Variants in ADAM12 observed in about 807,000 individuals in gnomAD.
ADAM12 encodes the protein ADAM metallopeptidase domain 12, also known as disintegrin and metalloproteinase domain-containing protein 12.
In ADAM12, 70 loss-of-function variants were observed where a neutral mutation model predicts 106.4. That is an observed-to-expected ratio of 0.66 (90% CI 0.54 to 0.80). ADAM12 has a LOEUF of 0.80. Among genes scored for constraint, ADAM12 ranks in the 30% least tolerant of loss-of-function variants. The pLI, the probability that ADAM12 is intolerant of heterozygous loss-of-function variation, is 0.00. For missense variants in ADAM12, 1,010 were observed against 1,171.9 expected, an observed-to-expected ratio of 0.86 and a Z score of 2.02; for synonymous variants, 420 against 433.5, an observed-to-expected ratio of 0.97 and a Z score of 0.39.
intron 3 of ADAM12, among the ~76,000 whole-genome samples, chr10:126,213,421 A>G (rs1957935757): frequency 6.6e-6 from 1 of 152,212 alleles, no homozygotes; most frequent in African/African-American, 2.4e-5. Flanking sequence ...CTGTTGAACA[A>G]TTTTTAATTG....
intron 2 of ADAM12, among the ~76,000 whole-genome samples, chr10:126,321,197 C>A (rs192457753): frequency 6.6e-6 from 1 of 152,266 alleles, no homozygotes; most frequent in Non-Finnish European, 1.5e-5. Context: ...ACATAAAAAG[C>A]ATTACTCAGG....
At chr10:126,164,572 A>G (rs990006090) in intron 3 of ADAM12, among the ~76,000 whole-genome samples, 2 of 152,218 alleles carry the variant, frequency 1.3e-5, no homozygotes, top group African/African-American at 2.4e-5. Context: ...AAAACATAGC[A>G]CCGAATAAAG....
In ADAM12 at chr10:126,174,008, ATTTTTT is replaced by A. The variant is rs200354475; in HGVS notation, c.261-18709_261-18704del. 1.3e-4 allele frequency among the ~76,000 whole-genome samples: 12 copies of A among 90,470 alleles called. No homozygotes were observed. In the South Asian group the frequency reaches 2.3e-3, roughly 17 times the overall value. The allele number at this position is 90,470 out of a possible 152,430, so 59.4% of individuals were successfully genotyped here. ...TTTTATCCAGATTCATCTGTTGTTG[ATTTTTT>A]TTTTTTTTTTTTTTTTTTTTTTGAG... is the stretch of plus-strand genomic sequence containing the variant. On this transcript the variant is annotated intron_variant, in intron 3 of 22. Transcript: ENST00000448723.
At chr10:126,135,782 G>T in intron 4 of ADAM12, 122 bp from the exon 5 acceptor site, 2 of 857,678 alleles carry the variant, frequency 2.3e-6, no homozygotes, top group Non-Finnish European at 3.7e-6. Context: ...TTGTTCTACA[G>T]TCTTAATATT....
chr10:126,070,711 C>T (rs984234765), intron 12 of ADAM12: 1 of 152,192 alleles, frequency 6.6e-6, no homozygotes, highest in African/African-American at 2.4e-5. Context: ...AGGCTGCCTG[C>T]TGTACAACTG....
chr10:126,332,607 C>A (rs148023952), intron 1 of ADAM12, among the ~76,000 whole-genome samples: 357 of 152,276 alleles, frequency 2.3e-3, no homozygotes, highest in African/African-American at 8.0e-3. Flanking sequence ...AGGAAAGCCC[C>A]CCTTTTTTGT....
chr10:126,073,480 TA>T (rs138925859), intron 11 of ADAM12, among the ~76,000 whole-genome samples: 1 of 152,240 alleles, frequency 6.6e-6, no homozygotes, highest in East Asian at 1.9e-4. Context: ...AGGTTTGGTG[TA>T]CAGATTATTT....
chr10:126,261,207 T>G (rs1447314363), intron 3 of ADAM12, among the ~76,000 whole-genome samples: 1 of 152,104 alleles, frequency 6.6e-6, no homozygotes, highest in Admixed American at 6.5e-5. Context: ...CTCCTTCAGA[T>G]ACCAAGGCAC....
At position 126,360,887 on chromosome 10, in the gene ADAM12, G is replaced by A. The variant is rs116882939; in HGVS notation, c.88+27171C>T. ...GACTAGACAATTTACAAAAGAAAGA[G>A]GTTTAATTTGGACTTACAGTTCCAC... is the stretch of plus-strand genomic sequence containing the variant. On this transcript the variant is annotated intron_variant, in intron 1 of 22. Transcript: ENST00000448723. Among the ~76,000 whole-genome samples, 67 of 152,340 alleles carry A rather than the reference G, an allele frequency of 4.4e-4. 1 individual carries two copies. In the East Asian group the frequency reaches 0.012, roughly 28 times the overall value.
chr10:126,237,973 A>G (rs769764222), intron 3 of ADAM12, among the ~76,000 whole-genome samples: 1 of 152,228 alleles, frequency 6.6e-6, no homozygotes, highest in Non-Finnish European at 1.5e-5. Context: ...GATGAATGAT[A>G]AAAGAATGGG....
At position 126,108,624 on chromosome 10, in the gene ADAM12, C is replaced by A; in HGVS notation, c.710G>T (p.Arg237Leu). ...QGKDLEKVKQ[R>L]LIEIANHVDK... The stretch of plus-strand genomic sequence containing the variant: ...AACGTGATTAGCAATCTCTATTAAT[C>A]GCTGCTTAACTTTTTCCAGATCTTT... The change falls in exon 8 of 23, where the codon CGA becomes CTA. Residue 237 changes from arginine to leucine, a missense_variant. This residue lies in a region of ADAM12 where 391 missense variants were observed against 442.9 expected (regional missense o/e 0.88). Transcript: ENST00000448723. 6.2e-7 allele frequency: 1 copy of A among 1,614,086 alleles called. No individual in the cohort carries two copies. Among genetic ancestry groups the A allele is most frequent in the South Asian group, 1.1e-5 (1 of 91,068 alleles).
At chr10:126,309,158 C>A (rs764280595) in intron 2 of ADAM12, among the ~76,000 whole-genome samples, 5 of 152,126 alleles carry the variant, frequency 3.3e-5, no homozygotes, top group African/African-American at 7.2e-5. Context: ...CTACATTGAT[C>A]GTTTCAAATG....
intron 1 of ADAM12, among the ~76,000 whole-genome samples, chr10:126,369,670 G>A (rs1394390518): frequency 2.0e-5 from 3 of 152,126 alleles, no homozygotes; most frequent in Admixed American, 6.6e-5. Flanking sequence ...CCAGCTCCAG[G>A]ACTTGTACAT....
intron 3 of ADAM12, among the ~76,000 whole-genome samples, chr10:126,275,697 G>A (rs2133746803): frequency 6.6e-6 from 1 of 152,198 alleles, no homozygotes; most frequent in South Asian, 2.1e-4. Context: ...GTCACCAGAG[G>A]CCTTCCAGAG....
chr10:126,286,033 C>T (rs946203338), intron 2 of ADAM12, among the ~76,000 whole-genome samples: 20 of 146,222 alleles, frequency 1.4e-4, no homozygotes, highest in Admixed American at 4.1e-4. Context: ...TTAATGTGTG[C>T]GATTGGAGGC....
intron 18 of ADAM12, chr10:126,041,804 G>T: frequency 8.7e-7 from 1 of 1,149,696 alleles, no homozygotes; most frequent in Non-Finnish European, 1.1e-6. Flanking sequence ...CTCAGTGAAA[G>T]GCCAGACTTT....
intron 4 of ADAM12, among the ~76,000 whole-genome samples, chr10:126,147,058 AT>A (rs1956641531): frequency 1.3e-5 from 2 of 152,198 alleles, no homozygotes; most frequent in Admixed American, 1.3e-4. Context: ...AATGAATGGG[AT>A]GTCACCCAAA....
At chr10:126,385,913 A>G (rs963413444) in intron 1 of ADAM12, among the ~76,000 whole-genome samples, 4 of 152,220 alleles carry the variant, frequency 2.6e-5, no homozygotes, top group Non-Finnish European at 5.9e-5. Flanking sequence ...GGAGGAAAAT[A>G]TACCATGCAG....
At chr10:126,021,936 T>C (rs1434923369) in intron 21 of ADAM12, among the ~76,000 whole-genome samples, 2 of 152,192 alleles carry the variant, frequency 1.3e-5, no homozygotes, top group Non-Finnish European at 2.9e-5. Context: ...TTCCTATAGA[T>C]AACAGAAAAC....
Sources: gnomAD v4.1 joint callset for allele counts (sites outside exome capture counted in the v4.1 genomes callset) on GRCh38, gnomAD v4.1.1 for gene constraint, gnomAD v4.1.1 regional missense constraint, MANE v1.5 for transcripts, NCBI Gene and HGNC (gene_info 2026-07-23, HGNC 2026-07-21) for gene names.